The following SORCS2 variants were observed in gnomAD, a reference collection of about 807,000 sequenced individuals.
The protein encoded by SORCS2 is sortilin related VPS10 domain containing receptor 2.
In SORCS2, 100 loss-of-function variants were observed where a neutral mutation model predicts 141.6. The observed-to-expected ratio is 0.71, with a 90% confidence interval of 0.60 to 0.83. The LOEUF is 0.83. Among genes scored for constraint, SORCS2 ranks in the 40% least tolerant of loss-of-function variants. The pLI is 0.00. For synonymous variants in SORCS2, 789 were observed against 676.9 expected (o/e 1.17, Z -2.57); for missense variants, 1,646 against 1,560.2 (o/e 1.05, Z -0.93).
Position 7,683,347 on chromosome 4 carries a change from CGGCTCTGCTG to C in SORCS2, c.1488+459_1488+468del, listed in dbSNP as rs1723668648. Among the ~76,000 whole-genome samples, 6 of 52,664 alleles carry C rather than the reference CGGCTCTGCTG, an allele frequency of 1.1e-4. No individual in the cohort carries two copies. In the East Asian group the frequency reaches 1.7e-3, roughly 15 times the overall value. The allele number at this position is 52,664 out of a possible 152,430, so 34.5% of individuals were successfully genotyped here. A position where few individuals can be genotyped will look rare whatever the true frequency, so the allele number is the denominator to read the frequency against. On this transcript the variant is annotated intron_variant, in intron 10 of 26. Coordinates refer to ENST00000507866, the MANE Select transcript of SORCS2 (RefSeq NM_020777.3). ...CTGACCTTGGCTGGGCTCCGCTGAG[CGGCTCTGCTG>C]ATCTTGTCTGGGCTCAGCTGGGTGG...
chr4:7,239,062 C>T lies in SORCS2; in HGVS notation c.480+45936C>T, dbSNP rs543571196. 3.9e-3 allele frequency among the ~76,000 whole-genome samples: 591 copies of T among 152,370 alleles called. 3 individuals are homozygous for T. The highest frequency in any genetic ancestry group is 6.1e-3 in the Non-Finnish European group (417 of 68,036). ...GCACAGCACTGGACTCAGCAGGAGACTCCCCCGTCCTCTTGGCCTCTGTGG... is the reference window on the plus strand; with the variant it reads ...GCACAGCACTGGACTCAGCAGGAGATTCCCCCGTCCTCTTGGCCTCTGTGG... On this transcript the variant is annotated intron_variant, in intron 1 of 26. Transcript: ENST00000507866.
At chr4:7,544,149 C>T (rs1159650559) in intron 3 of SORCS2, among the ~76,000 whole-genome samples, 1 of 152,020 alleles carries the variant, frequency 6.6e-6, no homozygotes, top group Non-Finnish European at 1.5e-5. Flanking sequence ...CCCATCTGCC[C>T]ATCCATCCAC....
chr4:7,727,066 T>G (rs1353381592), intron 21 of SORCS2, among the ~76,000 whole-genome samples, 163 bp downstream of exon 21: 1 of 152,178 alleles, frequency 6.6e-6, no homozygotes, highest in Non-Finnish European at 1.5e-5. Context: ...CCTGGCTGTG[T>G]GGCCTGGGCA....
intron 2 of SORCS2, chr4:7,434,471 G>C (rs537105636): frequency 6.2e-7 from 1 of 1,611,540 alleles, no homozygotes; most frequent in Non-Finnish European, 8.5e-7. Context: ...CAGAGGCTGA[G>C]CGCTGTGCAC....
At chr4:7,632,665 G>T (rs1197921914) in intron 3 of SORCS2, among the ~76,000 whole-genome samples, 1 of 152,200 alleles carries the variant, frequency 6.6e-6, no homozygotes, top group East Asian at 1.9e-4. Flanking sequence ...GGCCTGTGAT[G>T]GAGAAGCAAG....
chr4:7,606,403 C>G (rs980493889), intron 3 of SORCS2, among the ~76,000 whole-genome samples: 9 of 152,182 alleles, frequency 5.9e-5, no homozygotes, highest in Non-Finnish European at 1.2e-4. Context: ...TTTGATTCCA[C>G]TGTTGAAACA....
chr4:7,686,074 C>G (rs1460252284), intron 10 of SORCS2, among the ~76,000 whole-genome samples: 1 of 152,212 alleles, frequency 6.6e-6, no homozygotes, highest in Non-Finnish European at 1.5e-5. Flanking sequence ...TTTTTCAGCC[C>G]TCTGTTTTTC....
chr4:7,373,169 G>A (rs967825662), intron 1 of SORCS2, among the ~76,000 whole-genome samples: 28 of 151,758 alleles, frequency 1.8e-4, no homozygotes, highest in Admixed American at 6.6e-5. Flanking sequence ...AGTTGTTTCC[G>A]AAGAAGCTGT....
chr4:7,616,608 T>C (rs1242445028), intron 3 of SORCS2, among the ~76,000 whole-genome samples: 1 of 152,188 alleles, frequency 6.6e-6, no homozygotes, highest in Non-Finnish European at 1.5e-5. Context: ...GTGGGTTGGT[T>C]GGGTCACACC....
intron 1 of SORCS2, among the ~76,000 whole-genome samples, chr4:7,277,702 C>T (rs187704703): frequency 4.6e-5 from 7 of 152,268 alleles, no homozygotes; most frequent in Admixed American, 2.0e-4. Flanking sequence ...TGGGGGTGGC[C>T]GTCTGCCCTG....
In SORCS2 at chr4:7,714,340, G is replaced by C; in HGVS notation, c.2090G>C (p.Arg697Pro). ...GRSFTSALTS[R>P]VCECRDSDFL... ...AGCTTCACGTCGGCGCTCACGTCCCGCGTGTGCGAGTGCCGGGACTCGGAC... is the reference window on the plus strand; with the variant it reads ...AGCTTCACGTCGGCGCTCACGTCCCCCGTGTGCGAGTGCCGGGACTCGGAC... Residue 697 changes from arginine (R) to proline (P), a missense_variant, in exon 16 of 27, where the codon CGC (arginine) becomes CCC (proline). Coordinates refer to ENST00000507866, the MANE Select transcript of SORCS2 (RefSeq NM_020777.3). 6.4e-7 allele frequency: 1 copy of C among 1,566,284 alleles called. No homozygotes were observed. The highest frequency in any genetic ancestry group is 8.7e-7 in the Non-Finnish European group (1 of 1,155,446).
intron 1 of SORCS2, among the ~76,000 whole-genome samples, chr4:7,390,235 C>T (rs1723767113): frequency 6.6e-6 from 1 of 152,100 alleles, no homozygotes; most frequent in African/African-American, 2.4e-5. Flanking sequence ...GTATTTGGTG[C>T]TTTATGTGTA....
chr4:7,507,370 T>A (rs577789282), intron 2 of SORCS2, among the ~76,000 whole-genome samples: 1 of 152,268 alleles, frequency 6.6e-6, no homozygotes, highest in South Asian at 2.1e-4. Context: ...AGACAGGGTT[T>A]CACCGTGTTA....
Position 7,368,166 on chromosome 4 carries a change from C to T in SORCS2, c.481-28122C>T, listed in dbSNP as rs572154932. 4.2e-4 allele frequency among the ~76,000 whole-genome samples: 64 copies of T among 152,306 alleles called. 1 individual carries two copies. The highest frequency in any genetic ancestry group is 1.3e-3 in the African/African-American group (53 of 41,564). ...ATGTGCCGGAATCCTGTTCCAAAAC[C>T]GGGTGGCCATGAAGAGTGGACACAG... On this transcript the variant is annotated intron_variant, in intron 1 of 26. Transcript: ENST00000507866.
intron 3 of SORCS2, among the ~76,000 whole-genome samples, chr4:7,544,121 C>T (rs558793137): frequency 6.6e-6 from 1 of 152,104 alleles, no homozygotes; most frequent in East Asian, 1.9e-4. Flanking sequence ...TCCATCCACC[C>T]ATCCACTCAT....
intron 13 of SORCS2, 86 bp from the exon 14 acceptor site, chr4:7,704,091 C>A: frequency 8.0e-7 from 1 of 1,250,206 alleles, no homozygotes; most frequent in East Asian, 2.5e-5. Context: ...AGCCTCCGCC[C>A]CTCCAGCTGG....
At chr4:7,516,187 G>A (rs1298618555) in intron 2 of SORCS2, among the ~76,000 whole-genome samples, 3 of 152,182 alleles carry the variant, frequency 2.0e-5, no homozygotes, top group African/African-American at 7.2e-5. Flanking sequence ...GGTCCTCCTG[G>A]AGCTCACAGG....
chr4:7,685,400 C>T (rs1041844913), intron 10 of SORCS2, among the ~76,000 whole-genome samples: 1 of 152,154 alleles, frequency 6.6e-6, no homozygotes, highest in African/African-American at 2.4e-5. Context: ...GGGCTGGGCA[C>T]AGTGGCTCAC....
intron 2 of SORCS2, among the ~76,000 whole-genome samples, chr4:7,514,011 G>T (rs1020517637): frequency 2.0e-5 from 3 of 152,176 alleles, no homozygotes; most frequent in African/African-American, 4.8e-5. Flanking sequence ...CCTTTATGGA[G>T]CCTGTTTGGG....
Sources: gnomAD v4.1 joint callset for allele counts (sites outside exome capture counted in the v4.1 genomes callset) on GRCh38, gnomAD v4.1.1 for gene constraint, MANE v1.5 for transcripts, NCBI Gene and HGNC (gene_info 2026-07-23, HGNC 2026-07-21) for gene names.